Variants in SNORC observed in about 807,000 individuals in gnomAD.
SNORC encodes the protein secondary ossification center associated regulator of chondrocyte maturation, also known as protein SNORC.
A neutral mutation model predicts 9.7 loss-of-function variants in SNORC; 11 were observed. The ratio of observed to expected loss-of-function variants is 1.14; its 90% CI spans 0.72 to 1.88. SNORC has a LOEUF of 1.88. Among genes scored for constraint, SNORC ranks in the 40% most tolerant of loss-of-function variants. The pLI is 0.00. For missense variants in SNORC, 197 were observed against 173.1 expected (o/e 1.14, Z -0.77); for synonymous variants, 108 against 88.7 (o/e 1.22, Z -1.22).
Position 232,876,067 on chromosome 2 carries a change from C to T in SNORC, c.201C>T (p.Thr67=). Residue 67 remains threonine (T), a synonymous_variant, in exon 2 of 3, where the codon ACC becomes ACT. Transcript: ENST00000331342. This position sits in a 1 kb window ranked among gnomAD's most constrained non-coding sequence, Gnocchi z 6.8. ...TGGACACCGGTCCCCCAGCCCCCAC[C>T]GTCGCGCCAGGACCCGAGGACAGCA... The T allele has an allele frequency of 1.3e-6, 2 of 1,535,330 alleles. No individual in the cohort carries two copies. The highest frequency in any genetic ancestry group is 1.7e-6 in the Non-Finnish European group (2 of 1,145,702).
upstream of SNORC, among the ~76,000 whole-genome samples, chr2:232,868,583 G>T (rs748024032): frequency 6.6e-6 from 1 of 152,156 alleles, no homozygotes; most frequent in African/African-American, 2.4e-5. Flanking sequence ...AATGCATCTC[G>T]CAGTGTCTTG....
At chr2:232,870,118 C>A (rs1439516218), upstream of SNORC, among the ~76,000 whole-genome samples, 1 of 150,524 alleles carries the variant, frequency 6.6e-6, no homozygotes. Context: ...AGCGGGGCTG[C>A]TCCCAGGTTC....
chr2:232,871,501 G>A (rs1691023498), intron 1 of SNORC, among the ~76,000 whole-genome samples: 1 of 152,164 alleles, frequency 6.6e-6, no homozygotes, highest in South Asian at 2.1e-4. Flanking sequence ...TCAGACGTGC[G>A]GAGCTTTTGG....
chr2:232,875,977 C>T (rs1335375328), exon 2 of SNORC: 2 of 1,552,370 alleles, frequency 1.3e-6, no homozygotes, highest in Non-Finnish European at 1.7e-6. Flanking sequence ...CGCTGTGGAA[C>T]GAGCCGGCCG....
upstream of SNORC, among the ~76,000 whole-genome samples, chr2:232,868,407 A>G (rs1690917217): frequency 6.6e-6 from 1 of 152,056 alleles, no homozygotes; most frequent in East Asian, 1.9e-4. Context: ...AGGTCATTTC[A>G]TCTTCACCAT....
upstream of SNORC, among the ~76,000 whole-genome samples, chr2:232,866,560 C>T (rs759123803): frequency 1.1e-4 from 16 of 152,086 alleles, no homozygotes; most frequent in Non-Finnish European, 2.2e-4. Context: ...TTAGTATTTA[C>T]CAAGAATCTA....
chr2:232,876,552 A>C, downstream of SNORC: 2 of 1,175,214 alleles, frequency 1.7e-6, no homozygotes, highest in Non-Finnish European at 1.0e-6. The surrounding 1 kb of genome is among the most constrained non-coding windows in gnomAD (Gnocchi z 6.8). Context: ...GCGCGCCCGA[A>C]TTCCCCGCAG....
chr2:232,872,520 T>C (rs1691065135), intron 1 of SNORC, among the ~76,000 whole-genome samples: 1 of 152,192 alleles, frequency 6.6e-6, no homozygotes, highest in African/African-American at 2.4e-5. Flanking sequence ...CCTGCTTCCC[T>C]GGGTCAGAGC....
chr2:232,869,467 T>TA (rs1690944954), upstream of SNORC, among the ~76,000 whole-genome samples: 1 of 152,004 alleles, frequency 6.6e-6, no homozygotes, highest in African/African-American at 2.4e-5. Flanking sequence ...TTTGATGACT[T>TA]CATTGTGTGG....
downstream of SNORC, chr2:232,876,726 C>T (rs1195995922): frequency 8.1e-6 from 8 of 986,730 alleles, no homozygotes; most frequent in East Asian, 7.9e-4. The surrounding 1 kb of genome is among the most constrained non-coding windows in gnomAD (Gnocchi z 6.8). Flanking sequence ...GCGCCGGGGC[C>T]GCCAGGGCAT....
upstream of SNORC, among the ~76,000 whole-genome samples, chr2:232,868,862 C>T (rs1690925861): frequency 1.3e-5 from 2 of 152,198 alleles, no homozygotes; most frequent in South Asian, 2.1e-4. Flanking sequence ...TAATGTCATA[C>T]TCACATCTTG....
downstream of SNORC, chr2:232,876,443 T>C (rs979082808): frequency 1.2e-5 from 17 of 1,428,518 alleles, no homozygotes; most frequent in Admixed American, 1.8e-4. The surrounding 1 kb of genome is among the most constrained non-coding windows in gnomAD (Gnocchi z 6.8). Flanking sequence ...TGTCCGCGCA[T>C]GCAGGTGTGC....
Position 232,876,036 on chromosome 2 carries a change from A to G in SNORC, c.170A>G (p.Glu57Gly). Residue 57 changes from glutamate to glycine, a missense_variant, in exon 2 of 3, where the codon GAG (glutamate) becomes GGG (glycine). Physicochemically the swap from Glu to Gly is moderately conservative, Grantham distance 98. Transcript: ENST00000331342. The surrounding 1 kb of genome is among the most constrained non-coding windows in gnomAD (Gnocchi z 6.8). ...GTGGAGAGCACCAGCCCCGGCCGGG[A>G]GCCCGTGGACACCGGTCCCCCAGCC... 42 of 1,544,168 alleles carry G rather than the reference A, an allele frequency of 2.7e-5. No individual in the cohort carries two copies. The highest frequency in any genetic ancestry group is 3.7e-5 in the Non-Finnish European group (42 of 1,148,572).
chr2:232,870,174 G>A, upstream of SNORC: 1 of 653,220 alleles, frequency 1.5e-6, no homozygotes, highest in East Asian at 2.7e-5. Context: ...GTGTGTTGGT[G>A]GGGGGAGCGG....
intron 1 of SNORC, 155 bp from the exon 2 acceptor site, chr2:232,875,785 C>A: frequency 1.2e-6 from 1 of 826,222 alleles, no homozygotes; most frequent in Non-Finnish European, 1.8e-6. Flanking sequence ...GCACTGGCTT[C>A]AGCTTCTTAG....
At chr2:232,876,983 G>A (rs1160531199), downstream of SNORC, 1 of 985,462 alleles carries the variant, frequency 1.0e-6, no homozygotes, top group Non-Finnish European at 1.2e-6. This position sits in a 1 kb window ranked among gnomAD's most constrained non-coding sequence, Gnocchi z 6.8. Flanking sequence ...CCTTGAGGCC[G>A]GGGTTGGGGA....
In SNORC at chr2:232,876,179, G is replaced by A; in HGVS notation, c.256+57G>A. The stretch of plus-strand genomic sequence containing the variant: ...GGAGAAATTAGGAGGGGCGGGGGGC[G>A]GGGGGCGCGGGGAGAAGGGCCGGCC... On this transcript the variant is annotated intron_variant, in intron 2 of 2. Transcript: ENST00000331342. The surrounding 1 kb of genome is among the most constrained non-coding windows in gnomAD (Gnocchi z 6.8). 6 of 1,207,178 alleles carry A rather than the reference G, an allele frequency of 5.0e-6. No individual in the cohort carries two copies. The highest frequency in any genetic ancestry group is 6.8e-6 in the Non-Finnish European group (6 of 883,856). 74.8% of individuals were successfully genotyped at this position (1,207,178 alleles called of 1,614,324 possible).
downstream of SNORC, chr2:232,876,787 G>C (rs1208805506): frequency 1.0e-6 from 1 of 985,204 alleles, no homozygotes. This position sits in a 1 kb window ranked among gnomAD's most constrained non-coding sequence, Gnocchi z 6.8. Context: ...GCACCGTCAC[G>C]GTCAGGGCCA....
chr2:232,871,420 CTCG>C (rs1361013605), intron 1 of SNORC, among the ~76,000 whole-genome samples: 1 of 152,314 alleles, frequency 6.6e-6, no homozygotes, highest in East Asian at 1.9e-4. Context: ...TCTGTGCCTT[CTCG>C]TCATCTGTAG....
Sources: allele counts gnomAD v4.1 joint callset (sites outside exome capture counted in the v4.1 genomes callset), GRCh38; gene constraint gnomAD v4.1.1; non-coding constraint Gnocchi (gnomAD v3.1); transcripts MANE v1.5; gene names NCBI Gene and HGNC (gene_info 2026-07-23, HGNC 2026-07-21).